The following ZWILCH variants were observed in gnomAD, a reference collection of about 807,000 sequenced individuals.
ZWILCH encodes zwilch kinetochore protein.
In ZWILCH, 74 loss-of-function variants were observed where a neutral mutation model predicts 79.9. That is an observed-to-expected ratio of 0.93 (90% CI 0.77 to 1.12). The LOEUF (loss-of-function observed/expected upper bound fraction) is 1.12. ZWILCH is among the 50% of genes most tolerant of loss of function. The pLI is 0.00. For synonymous variants in ZWILCH, 241 were observed against 228.2 expected, an observed-to-expected ratio of 1.06 and a Z score of -0.51; for missense variants, 694 against 687.5, an observed-to-expected ratio of 1.01 and a Z score of -0.11.
intron 16 of ZWILCH, among the ~76,000 whole-genome samples, chr15:66,539,401 CAAAA>C (rs536047404): frequency 1.2e-4 from 7 of 58,062 alleles, no homozygotes; most frequent in East Asian, 9.3e-4. Context: ...AAGACCCTGT[CAAAA>C]AAAAAAAAAA....
At chr15:66,517,430 G>GTGTATATATATATA in intron 4 of ZWILCH, among the ~76,000 whole-genome samples, 35 of 66,512 alleles carry the variant, frequency 5.3e-4, no homozygotes, top group African/African-American at 2.0e-3. Flanking sequence ...GTGTGTGTGT[G>GTGTATATATATATA]TATATATATA....
intron 16 of ZWILCH, 96 bp downstream of exon 16, chr15:66,537,359 A>T: frequency 1.2e-6 from 1 of 843,062 alleles, no homozygotes; most frequent in Non-Finnish European, 1.9e-6. Flanking sequence ...GGAGTTCGAG[A>T]CCAGCCTGGG....
intron 17 of ZWILCH, among the ~76,000 whole-genome samples, chr15:66,544,664 T>C (rs1895298241): frequency 6.6e-6 from 1 of 151,438 alleles, no homozygotes; most frequent in African/African-American, 2.4e-5. Context: ...TTTAAAGACA[T>C]AAATATATGT....
chr15:66,526,307 C>A (rs1216485299), intron 8 of ZWILCH, among the ~76,000 whole-genome samples: 1 of 152,120 alleles, frequency 6.6e-6, no homozygotes, highest in Non-Finnish European at 1.5e-5. Context: ...ATCCTATTTC[C>A]CGCTGCTTCA....
At chr15:66,514,762 A>G (rs1894194074) in intron 3 of ZWILCH, among the ~76,000 whole-genome samples, 1 of 152,214 alleles carries the variant, frequency 6.6e-6, no homozygotes, top group East Asian at 1.9e-4. Context: ...ACTATTTTGT[A>G]AACACATGGA....
At chr15:66,524,469 G>A (rs1894606882) in intron 8 of ZWILCH, 1 of 152,062 alleles carries the variant, frequency 6.6e-6, no homozygotes, top group South Asian at 2.1e-4. Flanking sequence ...CTCCTTGCTT[G>A]TAGCTCGGAT....
At chr15:66,509,097 G>A (rs1469757707) in intron 2 of ZWILCH, among the ~76,000 whole-genome samples, 2 of 151,994 alleles carry the variant, frequency 1.3e-5, no homozygotes, top group South Asian at 2.1e-4. Flanking sequence ...CTGCCACCAC[G>A]CCTGACTAAT....
At chr15:66,525,756 CTTTTTTTTT>C (rs66835007) in intron 8 of ZWILCH, among the ~76,000 whole-genome samples, 46 of 93,468 alleles carry the variant, frequency 4.9e-4, no homozygotes, top group Admixed American at 8.9e-4. Context: ...TCACATTTTT[CTTTTTTTTT>C]TTTTTTTTTT....
At chr15:66,528,229 G>A (rs964882730) in intron 10 of ZWILCH, among the ~76,000 whole-genome samples, 13 of 152,232 alleles carry the variant, frequency 8.5e-5, no homozygotes, top group African/African-American at 2.9e-4. Flanking sequence ...TCAGGTCCCC[G>A]AGTAGCTGGG....
chr15:66,508,142 G>A (rs1039765971), intron 1 of ZWILCH, among the ~76,000 whole-genome samples: 2 of 152,108 alleles, frequency 1.3e-5, no homozygotes, highest in Non-Finnish European at 2.9e-5. Context: ...GTTCTGTTGG[G>A]TTCCTTCAAT....
intron 2 of ZWILCH, among the ~76,000 whole-genome samples, chr15:66,510,823 C>T (rs753195244): frequency 3.0e-4 from 45 of 152,184 alleles, no homozygotes; most frequent in Non-Finnish European, 1.5e-5. Flanking sequence ...CAAATCTCTG[C>T]TTCTGTAGAC....
At chr15:66,509,803 T>G (rs1893965114) in intron 2 of ZWILCH, among the ~76,000 whole-genome samples, 1 of 131,294 alleles carries the variant, frequency 7.6e-6, no homozygotes, top group Non-Finnish European at 1.6e-5. Flanking sequence ...ATATCTATAA[T>G]TATGTGTGTG....
At chr15:66,507,755 C>A (rs1893879666) in intron 1 of ZWILCH, among the ~76,000 whole-genome samples, 1 of 151,968 alleles carries the variant, frequency 6.6e-6, no homozygotes, top group Non-Finnish European at 1.5e-5. Flanking sequence ...TGGTGAAACC[C>A]CATCTCTACT....
chr15:66,530,422 G>A (rs1177361622), intron 12 of ZWILCH, among the ~76,000 whole-genome samples: 1 of 152,140 alleles, frequency 6.6e-6, no homozygotes, highest in Non-Finnish European at 1.5e-5. Flanking sequence ...GATCACTTGA[G>A]GTCAGGAGCT....
chr15:66,523,613 T>A (rs1309136980), intron 7 of ZWILCH, 64 bp from the exon 8 acceptor site: 1 of 1,022,796 alleles, frequency 9.8e-7, no homozygotes, highest in Non-Finnish European at 1.5e-6. Context: ...AATGCAAGTA[T>A]AACACTTATG....
rs754228504 is a variant in ZWILCH, at chr15:66,519,026, C to G, written c.468C>G (p.Ile156Met). The change falls in exon 5 of 19, where the codon ATC becomes ATG. Residue 156 changes from isoleucine to methionine, a missense_variant. Physicochemically the swap from Ile to Met is conservative, Grantham distance 10. Transcript: ENST00000307897. ...EGTCWLGAEL[I>M]TTNNSITGIV... is the part of the protein sequence containing the mutation. ...CTTGTTGGCTAGGAGCTGAGCTTATCACAACAAACAACAGCATTACAGGAA... is the reference window on the plus strand; with the variant it reads ...CTTGTTGGCTAGGAGCTGAGCTTATGACAACAAACAACAGCATTACAGGAA... 1.5e-5 allele frequency: 24 copies of G among 1,614,028 alleles called. No individual in the cohort carries two copies. The highest frequency in any genetic ancestry group is 4.2e-6 in the Non-Finnish European group (5 of 1,180,028).
chr15:66,517,430 G>A (rs202243851), intron 4 of ZWILCH, among the ~76,000 whole-genome samples: 7 of 66,522 alleles, frequency 1.1e-4, no homozygotes, highest in African/African-American at 2.5e-4. Context: ...GTGTGTGTGT[G>A]TATATATATA....
intron 17 of ZWILCH, among the ~76,000 whole-genome samples, chr15:66,543,174 G>C (rs1895248179): frequency 6.6e-6 from 1 of 152,194 alleles, no homozygotes; most frequent in Admixed American, 6.5e-5. Context: ...ACTTCAGCCT[G>C]GGTGGCGGAG....
intron 7 of ZWILCH, 52 bp from the exon 8 acceptor site, chr15:66,523,625 A>C: frequency 1.7e-6 from 2 of 1,151,566 alleles, no homozygotes; most frequent in Non-Finnish European, 2.6e-6. Flanking sequence ...ACACTTATGT[A>C]GAGAAGGTAG....
Sources: gnomAD v4.1 joint callset for allele counts (sites outside exome capture counted in the v4.1 genomes callset) on GRCh38, gnomAD v4.1.1 for gene constraint, MANE v1.5 for transcripts, NCBI Gene and HGNC (gene_info 2026-07-23, HGNC 2026-07-21) for gene names.